Variants in ARHGAP12 observed in about 807,000 individuals in gnomAD.
ARHGAP12 encodes rho GTPase-activating protein 12.
In ARHGAP12, 64 loss-of-function variants were observed where a neutral mutation model predicts 108.6. The observed-to-expected ratio is 0.59, with a 90% CI of 0.48 to 0.73. The LOEUF is 0.73. Among genes scored for constraint, ARHGAP12 ranks in the 30% least tolerant of loss-of-function variants. The pLI is 0.00. For synonymous variants in ARHGAP12, 312 were observed against 337.2 expected (o/e 0.93, Z 0.82); for missense variants, 940 against 1,005.9 (o/e 0.93, Z 0.89).
chr10:31,808,529 T>A lies in ARHGAP12; in HGVS notation c.2366+120A>T, dbSNP rs1834902531. ...AAGGAGTTGAGTAACTTTTTCAAGT[T>A]ACAAAGACAGCAAGTAGCATAGCTG... is the stretch of plus-strand genomic sequence containing the variant. On this transcript the variant is annotated intron_variant, in intron 19 of 19. Transcript: ENST00000344936. 7 of 814,486 alleles carry A rather than the reference T, an allele frequency of 8.6e-6. No individual in the cohort carries two copies. In the East Asian group the frequency reaches 1.8e-4, roughly 21 times the overall value. 50.5% of individuals were successfully genotyped at this position (814,486 alleles called of 1,614,324 possible). A position where few individuals can be genotyped will look rare whatever the true frequency, so the allele number is the denominator to read the frequency against.
intron 3 of ARHGAP12, among the ~76,000 whole-genome samples, chr10:31,869,536 CAAAA>C (rs1564401287): frequency 7.1e-6 from 1 of 141,248 alleles, no homozygotes; most frequent in Admixed American, 7.0e-5. Flanking sequence ...GACTCTGTCT[CAAAA>C]ACAAACAAAC....
At chr10:31,856,594 C>G (rs1008315142) in intron 4 of ARHGAP12, among the ~76,000 whole-genome samples, 6 of 152,156 alleles carry the variant, frequency 3.9e-5, no homozygotes, top group African/African-American at 1.4e-4. Flanking sequence ...ACCTGGGTGG[C>G]TTGTAAAAAC....
intron 11 of ARHGAP12, among the ~76,000 whole-genome samples, chr10:31,822,464 T>C (rs4749694): frequency 0.24 from 35,941 of 152,086 alleles, 4,588 homozygotes; most frequent in East Asian, 0.47. Flanking sequence ...AAGACAAAGA[T>C]ACAATTCTAT....
At chr10:31,863,406 G>T (rs1837207406) in intron 3 of ARHGAP12, among the ~76,000 whole-genome samples, 1 of 152,082 alleles carries the variant, frequency 6.6e-6, no homozygotes, top group South Asian at 2.1e-4. Flanking sequence ...CCTGATATTT[G>T]ACTAGAACTT....
rs970905584 is a variant in ARHGAP12, at chr10:31,854,092, A to G, written c.1063T>C (p.Tyr355His). ...TTTTCATTAGTATAGTCACTGGTATATAAGGTATGCCCACGTTCATCCAAC... is the reference window on the plus strand; with the variant it reads ...TTTTCATTAGTATAGTCACTGGTATGTAAGGTATGCCCACGTTCATCCAAC... ...EELDERGHTL[Y>H]TSDYTNEKWL... The change falls in exon 5 of 20, where the codon TAT becomes CAT. Residue 355 changes from tyrosine to histidine, a missense_variant. Physicochemically the swap from Tyr to His is moderately conservative, Grantham distance 83. Coordinates refer to ENST00000344936, the MANE Select transcript of ARHGAP12 (RefSeq NM_018287.7). The G allele has an allele frequency of 6.2e-7, 1 of 1,613,010 alleles. No individual in the cohort carries two copies. The highest frequency in any genetic ancestry group is 8.5e-7 in the Non-Finnish European group (1 of 1,179,692).
intron 3 of ARHGAP12, among the ~76,000 whole-genome samples, chr10:31,893,203 GAGCAAACACATTC>G: frequency 6.6e-6 from 1 of 152,122 alleles, no homozygotes; most frequent in South Asian, 2.1e-4. Context: ...AGAGAAGCAA[GAGCAAACACATTC>G]AAAAGCTTGC....
chr10:31,814,416 G>A, intron 13 of ARHGAP12, 55 bp from the exon 14 acceptor site: 1 of 1,370,518 alleles, frequency 7.3e-7, no homozygotes, highest in East Asian at 2.3e-5. Flanking sequence ...TACTATAGTT[G>A]GAATGGCATA....
intron 3 of ARHGAP12, among the ~76,000 whole-genome samples, chr10:31,885,973 C>T (rs898350674): frequency 6.6e-6 from 1 of 152,202 alleles, no homozygotes; most frequent in Non-Finnish European, 1.5e-5. Flanking sequence ...TCCTATACCT[C>T]TTTAATGTAC....
intron 9 of ARHGAP12, 80 bp downstream of exon 9, chr10:31,839,225 G>A: frequency 7.1e-7 from 1 of 1,406,970 alleles, no homozygotes; most frequent in Non-Finnish European, 9.9e-7. Flanking sequence ...TATTCATCTG[G>A]CACAGACTTG....
chr10:31,922,865 C>T (rs1200647038), intron 1 of ARHGAP12, among the ~76,000 whole-genome samples: 3 of 152,102 alleles, frequency 2.0e-5, no homozygotes, highest in African/African-American at 4.8e-5. Context: ...AGGTAGCTCA[C>T]ACCTGTAATT....
intron 3 of ARHGAP12, among the ~76,000 whole-genome samples, chr10:31,892,723 G>T (rs923780398): frequency 6.6e-6 from 1 of 152,152 alleles, no homozygotes; most frequent in Non-Finnish European, 1.5e-5. Context: ...GCATATCCAG[G>T]AATTGAACTC....
At chr10:31,919,606 C>A (rs1839703530) in intron 1 of ARHGAP12, among the ~76,000 whole-genome samples, 1 of 147,100 alleles carries the variant, frequency 6.8e-6, no homozygotes, top group African/African-American at 2.5e-5. Flanking sequence ...TCCTGGCTCC[C>A]ACGGTGAAAC....
At chr10:31,817,558 G>A (rs1835251094) in intron 13 of ARHGAP12, among the ~76,000 whole-genome samples, 1 of 152,118 alleles carries the variant, frequency 6.6e-6, no homozygotes, top group Non-Finnish European at 1.5e-5. Context: ...AATGCCTGAT[G>A]TGAACATTAT....
intron 6 of ARHGAP12, among the ~76,000 whole-genome samples, chr10:31,845,006 A>G (rs1226180248): frequency 6.6e-6 from 1 of 152,198 alleles, no homozygotes; most frequent in Non-Finnish European, 1.5e-5. Context: ...TCCCAATCCA[A>G]GATCATGATG....
rs544794960 is a variant in ARHGAP12 at position 31,886,367 on chromosome 10, T to G, written c.684+21805A>C. On this transcript the variant is annotated intron_variant, in intron 3 of 19. Coordinates refer to ENST00000344936, the MANE Select transcript of ARHGAP12 (RefSeq NM_018287.7). ...AATTATACTACAATTATCTATGTGT[T>G]TGTGTGTATATATACATATGTACAC... Among the ~76,000 whole-genome samples the G allele has an allele frequency of 2.0e-5, 3 of 152,318 alleles. No homozygotes were observed. The South Asian group carries it at 6.2e-4, about 32-fold the overall frequency.
chr10:31,825,227 A>C (rs1835560780), intron 11 of ARHGAP12, among the ~76,000 whole-genome samples: 1 of 152,190 alleles, frequency 6.6e-6, no homozygotes, highest in African/African-American at 2.4e-5. Context: ...TTTGGGGTTC[A>C]GAACCATGTT....
At chr10:31,882,060 G>A (rs1190985544) in intron 3 of ARHGAP12, among the ~76,000 whole-genome samples, 8 of 150,646 alleles carry the variant, frequency 5.3e-5, no homozygotes, top group African/African-American at 1.5e-4. Flanking sequence ...GACTACAGGC[G>A]CCCGCCACTA....
intron 3 of ARHGAP12, among the ~76,000 whole-genome samples, chr10:31,906,841 A>C (rs764648810): frequency 3.9e-5 from 6 of 152,186 alleles, no homozygotes; most frequent in Non-Finnish European, 7.3e-5. Flanking sequence ...GCTGGATGGA[A>C]TCCTGTGTCT....
intron 1 of ARHGAP12, among the ~76,000 whole-genome samples, chr10:31,923,920 T>C (rs765132199): frequency 3.3e-5 from 5 of 152,212 alleles, no homozygotes; most frequent in Non-Finnish European, 7.3e-5. Flanking sequence ...TTAAAAAATA[T>C]GTGCAGCTTG....
Sources: allele counts gnomAD v4.1 joint callset (sites outside exome capture counted in the v4.1 genomes callset), GRCh38; gene constraint gnomAD v4.1.1; transcripts MANE v1.5; gene names NCBI Gene and HGNC (gene_info 2026-07-23, HGNC 2026-07-21).